The following C1orf94 variants were observed in gnomAD, a reference collection of about 807,000 sequenced individuals.
C1orf94 encodes the protein uncharacterized protein C1orf94.
A neutral mutation model predicts 53.6 loss-of-function variants in C1orf94; 45 were observed. The ratio of observed to expected loss-of-function variants is 0.84; its 90% CI spans 0.66 to 1.08. C1orf94 has a LOEUF of 1.08. C1orf94 is among the 50% of genes least tolerant of loss of function. The probability of loss-of-function intolerance (pLI) is 0.00; values close to 1 mark genes in which losing one functional copy is unlikely to be tolerated. For synonymous variants in C1orf94, 304 were observed against 296.1 expected, an observed-to-expected ratio of 1.03 and a Z score of -0.27; for missense variants, 762 against 738.9, an observed-to-expected ratio of 1.03 and a Z score of -0.36.
intron 1 of C1orf94, among the ~76,000 whole-genome samples, chr1:34,170,433 T>C (rs1377716111): frequency 6.6e-6 from 1 of 152,102 alleles, no homozygotes; most frequent in Non-Finnish European, 1.5e-5. Context: ...ACCAGCACTT[T>C]CTAGGAAGAA....
At chr1:34,206,338 A>G (rs1046910013) in intron 4 of C1orf94, among the ~76,000 whole-genome samples, 7 of 152,210 alleles carry the variant, frequency 4.6e-5, no homozygotes, top group Non-Finnish European at 8.8e-5. Context: ...GAAGATGATG[A>G]AAAAGAGGCA....
At chr1:34,184,612 G>A (rs897167357) in intron 1 of C1orf94, among the ~76,000 whole-genome samples, 3 of 152,220 alleles carry the variant, frequency 2.0e-5, no homozygotes, top group Non-Finnish European at 2.9e-5. Context: ...CAAGAAGGAA[G>A]AAGGCTTTTT....
At position 34,184,538 on chromosome 1, in the gene C1orf94, T is replaced by G. The variant is rs150541080; in HGVS notation, c.320+6429T>G. Among the ~76,000 whole-genome samples, 535 of 152,298 alleles carry G rather than the reference T, an allele frequency of 3.5e-3. 6 individuals carry two copies. The highest frequency in any genetic ancestry group is 0.012 in the African/African-American group (504 of 41,570). ...AATCTACTGAAATAAAAGAAATCTGTTTAAGCATTTTTTGAAAAACAGAAG... is the reference window on the plus strand; with the variant it reads ...AATCTACTGAAATAAAAGAAATCTGGTTAAGCATTTTTTGAAAAACAGAAG... On this transcript the variant is annotated intron_variant, in intron 1 of 6. Coordinates refer to ENST00000488417, the MANE Select transcript of C1orf94 (RefSeq NM_001134734.2).
chr1:34,208,356 G>A, intron 5 of C1orf94, 122 bp downstream of exon 5: 1 of 948,662 alleles, frequency 1.1e-6, no homozygotes, highest in East Asian at 2.7e-5. Flanking sequence ...ATTGGCTCTG[G>A]AGTACAGACT....
intron 4 of C1orf94, among the ~76,000 whole-genome samples, chr1:34,205,295 G>A (rs1024186571): frequency 2.7e-4 from 41 of 152,158 alleles, no homozygotes; most frequent in Non-Finnish European, 7.3e-5. Flanking sequence ...GCTGTGGAAG[G>A]CATTGGTCCT....
In C1orf94 at chr1:34,197,194, A is replaced by G. The variant is rs1197555680; in HGVS notation, c.321-31A>G. 2 of 1,482,350 alleles carry G rather than the reference A, an allele frequency of 1.3e-6. No individual in the cohort carries two copies. The highest frequency in any genetic ancestry group is 1.8e-6 in the Non-Finnish European group (2 of 1,111,788). 91.8% of individuals were successfully genotyped at this position (1,482,350 alleles called of 1,614,324 possible). The stretch of plus-strand genomic sequence containing the variant: ...AGCCACGCCTTGGTGAGCTGGCACT[A>G]ACACCGTCTGTCTCTCTGACCCATT... On this transcript the variant is annotated intron_variant, in intron 1 of 6. Transcript: ENST00000488417. The surrounding 1 kb of genome is among the most constrained non-coding windows in gnomAD (Gnocchi z 4.1).
At chr1:34,212,128 G>A (rs1457530228) in intron 5 of C1orf94, 82 bp from the exon 6 acceptor site, 4 of 1,297,734 alleles carry the variant, frequency 3.1e-6, no homozygotes, top group Non-Finnish European at 4.2e-6. Context: ...GAGCACAGGG[G>A]CTGAGACTGG....
intron 1 of C1orf94, among the ~76,000 whole-genome samples, chr1:34,188,892 C>A (rs1642432543): frequency 6.6e-6 from 1 of 152,208 alleles, no homozygotes; most frequent in Non-Finnish European, 1.5e-5. Flanking sequence ...TCTGCAATTT[C>A]TCTCAATTGT....
At chr1:34,205,321 A>T (rs1438960180) in intron 4 of C1orf94, among the ~76,000 whole-genome samples, 1 of 152,208 alleles carries the variant, frequency 6.6e-6, no homozygotes, top group Non-Finnish European at 1.5e-5. Flanking sequence ...GTAATAAGGA[A>T]GGACAGCATA....
At chr1:34,212,436 G>A (rs745719540) in intron 6 of C1orf94, 30 bp downstream of exon 6, 1 of 1,583,154 alleles carries the variant, frequency 6.3e-7, no homozygotes, top group Non-Finnish European at 8.6e-7. Flanking sequence ...GAGCCTAAGG[G>A]TATCCAGAAA....
At chr1:34,214,784 G>A (rs1278780636) in intron 6 of C1orf94, among the ~76,000 whole-genome samples, 1 of 152,158 alleles carries the variant, frequency 6.6e-6, no homozygotes, top group Non-Finnish European at 1.5e-5. Flanking sequence ...GTGAGAGACA[G>A]CCTGGGGAAA....
At chr1:34,178,166 C>T in intron 1 of C1orf94, 57 bp downstream of exon 1, 2 of 1,494,892 alleles carry the variant, frequency 1.3e-6, no homozygotes, top group South Asian at 1.3e-5. Flanking sequence ...TGAAGTCTGA[C>T]CTTCTGGGGG....
chr1:34,174,128 C>T (rs1642186631), upstream of C1orf94, among the ~76,000 whole-genome samples: 1 of 152,224 alleles, frequency 6.6e-6, no homozygotes, highest in Non-Finnish European at 1.5e-5. Flanking sequence ...CAAAAATGAA[C>T]AAAGCCTGGA....
chr1:34,173,345 G>A (rs1322496198), upstream of C1orf94, among the ~76,000 whole-genome samples: 1 of 152,202 alleles, frequency 6.6e-6, no homozygotes, highest in East Asian at 1.9e-4. Flanking sequence ...TTTAAAATAT[G>A]TTAGATGAGG....
chr1:34,180,810 G>A (rs12074728), intron 1 of C1orf94, among the ~76,000 whole-genome samples: 19,644 of 152,218 alleles, frequency 0.13, 1,486 homozygotes, highest in African/African-American at 0.19. Flanking sequence ...TTGTATTGTG[G>A]TAGATAGGTA....
At chr1:34,187,677 C>A (rs2994598) in intron 1 of C1orf94, among the ~76,000 whole-genome samples, 52,623 of 150,798 alleles carry the variant, frequency 0.35, 13,415 homozygotes, top group African/African-American at 0.72. Flanking sequence ...GAACAATAAG[C>A]ATCACTCTGT....
chr1:34,217,396 T>G (rs931026891), intron 6 of C1orf94, among the ~76,000 whole-genome samples: 1 of 152,212 alleles, frequency 6.6e-6, no homozygotes, highest in African/African-American at 2.4e-5. Flanking sequence ...AATACTGAAG[T>G]ATGGGTTACA....
intron 6 of C1orf94, among the ~76,000 whole-genome samples, chr1:34,213,040 T>G (rs1642921150): frequency 6.6e-6 from 1 of 152,208 alleles, no homozygotes; most frequent in Non-Finnish European, 1.5e-5. Flanking sequence ...GTCATAAATT[T>G]GTGTTTGTTT....
intron 1 of C1orf94, among the ~76,000 whole-genome samples, chr1:34,193,831 C>G (rs1400751671): frequency 2.0e-5 from 3 of 152,192 alleles, no homozygotes; most frequent in African/African-American, 7.2e-5. Context: ...AATGGATATC[C>G]TGCGGCAACC....
Sources: allele counts gnomAD v4.1 joint callset (sites outside exome capture counted in the v4.1 genomes callset), GRCh38; gene constraint gnomAD v4.1.1; non-coding constraint Gnocchi (gnomAD v3.1); transcripts MANE v1.5; gene names NCBI Gene and HGNC (gene_info 2026-07-23, HGNC 2026-07-21).